Variants in TBC1D19 observed in about 807,000 individuals in gnomAD.
TBC1D19 encodes the protein TBC1 domain family, member 19.
Under a neutral mutation model 89.0 loss-of-function variants are expected in TBC1D19, and 60 were observed. That is an observed-to-expected ratio of 0.67 (90% CI 0.55 to 0.84). TBC1D19 has a LOEUF of 0.84. TBC1D19 is among the 40% of genes least tolerant of loss of function. The probability of loss-of-function intolerance (pLI) is 0.00; values close to 1 mark genes in which losing one functional copy is unlikely to be tolerated. For synonymous variants in TBC1D19, 189 were observed against 199.7 expected, an observed-to-expected ratio of 0.95 and a Z score of 0.45; for missense variants, 500 against 610.8, an observed-to-expected ratio of 0.82 and a Z score of 1.91.
At chr4:26,639,399 T>A (rs539280224) in intron 6 of TBC1D19, among the ~76,000 whole-genome samples, 42 of 152,072 alleles carry the variant, frequency 2.8e-4, no homozygotes, top group African/African-American at 9.4e-4. Flanking sequence ...AAAACATTTT[T>A]ATAAAATTAT....
the TBC1D19 span, among the ~76,000 whole-genome samples, chr4:26,824,431 A>G: frequency 1.3e-5 from 2 of 152,252 alleles, no homozygotes; most frequent in South Asian, 2.1e-4. Context: ...CTTATTTTCT[A>G]CTAGTATAAA....
chr4:26,759,562 A>C (rs1719392618), downstream of TBC1D19, among the ~76,000 whole-genome samples: 1 of 152,174 alleles, frequency 6.6e-6, no homozygotes, highest in Admixed American at 6.5e-5. Context: ...CCACCACCAC[A>C]TCAAGATATA....
intron 7 of TBC1D19, among the ~76,000 whole-genome samples, chr4:26,650,175 G>A (rs929557270): frequency 6.4e-4 from 97 of 151,528 alleles, no homozygotes; most frequent in Non-Finnish European, 7.6e-4. Context: ...GAAAACATAC[G>A]TGTGCATGTG....
At chr4:26,790,830 T>C in the TBC1D19 span, among the ~76,000 whole-genome samples, 4 of 152,346 alleles carry the variant, frequency 2.6e-5, no homozygotes, top group Admixed American at 2.6e-4. Context: ...AAACATTTTT[T>C]TCAGCCAAAT....
At chr4:26,710,043 T>A (rs1716047005) in intron 13 of TBC1D19, among the ~76,000 whole-genome samples, 1 of 152,032 alleles carries the variant, frequency 6.6e-6, no homozygotes, top group Non-Finnish European at 1.5e-5. Flanking sequence ...TTTTATTTTT[T>A]ATTATACTTT....
chr4:26,823,290 G>C, the TBC1D19 span, among the ~76,000 whole-genome samples: 1,063 of 151,968 alleles, frequency 7.0e-3, 7 homozygotes, highest in Non-Finnish European at 0.012. Context: ...CTCCCACCGG[G>C]TCCCTCCCAC....
At chr4:26,666,951 G>A (rs1485619242) in intron 9 of TBC1D19, among the ~76,000 whole-genome samples, 2 of 151,748 alleles carry the variant, frequency 1.3e-5, no homozygotes, top group African/African-American at 4.8e-5. Flanking sequence ...AATAATACTA[G>A]ATAGGGGTTA....
At chr4:26,731,768 G>A (rs569738529) in intron 15 of TBC1D19, among the ~76,000 whole-genome samples, 14 of 152,158 alleles carry the variant, frequency 9.2e-5, no homozygotes, top group South Asian at 4.2e-4. Context: ...CATCAATGCC[G>A]TGGTAGACTC....
chr4:26,764,126 A>G, the TBC1D19 span, among the ~76,000 whole-genome samples: 1 of 152,218 alleles, frequency 6.6e-6, no homozygotes, highest in South Asian at 2.1e-4. Flanking sequence ...AATGAAATGT[A>G]CTTCTTTTTT....
At chr4:26,667,848 A>G (rs563734108) in intron 9 of TBC1D19, among the ~76,000 whole-genome samples, 13 of 152,140 alleles carry the variant, frequency 8.5e-5, no homozygotes, top group African/African-American at 3.1e-4. Context: ...TCCACCAACA[A>G]TGTGTGAGAG....
chr4:26,773,182 T>C, the TBC1D19 span, among the ~76,000 whole-genome samples: 12 of 152,234 alleles, frequency 7.9e-5, no homozygotes, highest in African/African-American at 2.9e-4. Flanking sequence ...TAGTATCTCA[T>C]TGTGGTTTTG....
intron 13 of TBC1D19, among the ~76,000 whole-genome samples, chr4:26,703,848 C>T (rs549042045): frequency 6.6e-6 from 1 of 150,746 alleles, no homozygotes; most frequent in South Asian, 2.1e-4. Flanking sequence ...GTAGTCCCAG[C>T]TACTCGGGAG....
downstream of TBC1D19, among the ~76,000 whole-genome samples, chr4:26,758,280 A>C (rs950287828): frequency 3.9e-5 from 6 of 152,178 alleles, no homozygotes; most frequent in Non-Finnish European, 7.3e-5. Context: ...TAAATGTGGA[A>C]GATGCAAGCA....
At chr4:26,610,928 C>T (rs1391239993) in intron 1 of TBC1D19, among the ~76,000 whole-genome samples, 5 of 151,956 alleles carry the variant, frequency 3.3e-5, no homozygotes, top group East Asian at 1.9e-4. Context: ...TATGTCTTTA[C>T]GGTAGAATGA....
chr4:26,615,852 A>G (rs1741650933), intron 3 of TBC1D19, among the ~76,000 whole-genome samples: 1 of 152,166 alleles, frequency 6.6e-6, no homozygotes, highest in African/African-American at 2.4e-5. Flanking sequence ...AATTTACAAT[A>G]TGTACTAAAG....
the TBC1D19 span, among the ~76,000 whole-genome samples, chr4:26,818,910 G>A: frequency 1.3e-5 from 2 of 152,306 alleles, no homozygotes; most frequent in Non-Finnish European, 2.9e-5. Flanking sequence ...ATCAAAATCT[G>A]GAAATTAGCT....
At chr4:26,691,392 C>A (rs950104381) in intron 13 of TBC1D19, among the ~76,000 whole-genome samples, 5 of 152,088 alleles carry the variant, frequency 3.3e-5, no homozygotes, top group African/African-American at 1.2e-4. Flanking sequence ...GGTAAAGTGC[C>A]AACAAACAAA....
chr4:26,842,767 T>C, the TBC1D19 span, among the ~76,000 whole-genome samples: 1 of 151,826 alleles, frequency 6.6e-6, no homozygotes, highest in African/African-American at 2.4e-5. Flanking sequence ...CCTCCCCAAA[T>C]GCTGGGATTA....
the TBC1D19 span, among the ~76,000 whole-genome samples, chr4:26,856,207 A>G: frequency 6.6e-6 from 1 of 152,070 alleles, no homozygotes; most frequent in Non-Finnish European, 1.5e-5. Context: ...TAGATTCCAC[A>G]TATGTGGGGT....
Sources: gnomAD v4.1 joint callset for allele counts (sites outside exome capture counted in the v4.1 genomes callset) on GRCh38, gnomAD v4.1.1 for gene constraint, MANE v1.5 for transcripts, NCBI Gene and HGNC (gene_info 2026-07-23, HGNC 2026-07-21) for gene names.